Variants in GNAT3 observed in about 807,000 individuals in gnomAD.
GNAT3 encodes the protein G protein subunit alpha transducin 3.
In GNAT3, 31 loss-of-function variants were observed where a neutral mutation model predicts 37.7. The ratio of observed to expected loss-of-function variants is 0.82; its 90% CI spans 0.62 to 1.11. The LOEUF is 1.11. Ranked by LOEUF, GNAT3 falls within the 50% of genes most tolerant of loss-of-function variation. GNAT3 has a pLI of 0.00. For synonymous variants in GNAT3, 138 were observed against 139.8 expected, an observed-to-expected ratio of 0.99 and a Z score of 0.09; for missense variants, 437 against 412.5, an observed-to-expected ratio of 1.06 and a Z score of -0.51.
In GNAT3 at chr7:80,462,637, A is replaced by C. The variant is rs1584165830; in HGVS notation, c.591-6T>G. ...GTCCACCTACATCAAACATCCTTTA[A>C]GAAAACATCAAATGAATAATAAATC... On this transcript the variant is annotated splice_polypyrimidine_tract_variant and splice_region_variant and intron_variant, in intron 5 of 7. Coordinates refer to ENST00000398291, the MANE Select transcript of GNAT3 (RefSeq NM_001102386.3). 5.0e-6 allele frequency: 8 copies of C among 1,606,160 alleles called. No homozygotes were observed. In the African/African-American group the frequency reaches 5.3e-5, roughly 11 times the overall value.
chr7:80,488,328 G>A (rs922685643), intron 3 of GNAT3, among the ~76,000 whole-genome samples: 2 of 152,086 alleles, frequency 1.3e-5, no homozygotes, highest in African/African-American at 4.8e-5. Flanking sequence ...AACAACTAAT[G>A]TTGAATAATA....
rs758073733 is a variant in GNAT3, at chr7:80,462,648, A to G, written c.591-17T>C. On this transcript the variant is annotated splice_polypyrimidine_tract_variant and intron_variant, in intron 5 of 7. Coordinates refer to ENST00000398291, the MANE Select transcript of GNAT3 (RefSeq NM_001102386.3). ...TCAAACATCCTTTAAGAAAACATCA[A>G]ATGAATAATAAATCTTGCAAATATC... 2.5e-6 allele frequency: 4 copies of G among 1,601,880 alleles called. No individual in the cohort carries two copies. Among genetic ancestry groups the G allele is most frequent in the Admixed American group, 1.7e-5 (1 of 58,726 alleles).
At chr7:80,482,512 T>C (rs1379509771) in intron 3 of GNAT3, among the ~76,000 whole-genome samples, 4 of 151,836 alleles carry the variant, frequency 2.6e-5, no homozygotes, top group Admixed American at 2.6e-4. Flanking sequence ...TTTTTTTGTT[T>C]GTTTGTTTGT....
intron 1 of GNAT3, among the ~76,000 whole-genome samples, chr7:80,495,145 A>G (rs1790692248): frequency 6.6e-6 from 1 of 152,130 alleles, no homozygotes. Flanking sequence ...ATTGATGGAC[A>G]CTTAGGTTGA....
chr7:80,472,767 C>T (rs1041209864), intron 5 of GNAT3, among the ~76,000 whole-genome samples: 2 of 152,122 alleles, frequency 1.3e-5, no homozygotes, highest in African/African-American at 4.8e-5. Context: ...AGTTATAACT[C>T]TCTACTAGGA....
chr7:80,509,913 T>C (rs766971080), intron 1 of GNAT3, among the ~76,000 whole-genome samples: 17 of 152,172 alleles, frequency 1.1e-4, no homozygotes, highest in Non-Finnish European at 2.1e-4. Flanking sequence ...AAAAATACAG[T>C]GTAGAATGGT....
intron 1 of GNAT3, among the ~76,000 whole-genome samples, chr7:80,495,042 A>C (rs1309246274): frequency 6.6e-6 from 1 of 151,880 alleles, no homozygotes; most frequent in African/African-American, 2.4e-5. Flanking sequence ...AGTTCCATCC[A>C]TTTGCTGGCA....
intron 3 of GNAT3, among the ~76,000 whole-genome samples, chr7:80,482,200 A>C (rs1370302902): frequency 6.6e-6 from 1 of 152,140 alleles, no homozygotes; most frequent in Non-Finnish European, 1.5e-5. Flanking sequence ...TTCCTGCATC[A>C]ACACAGGATA....
chr7:80,473,147 T>C (rs1477607978), intron 5 of GNAT3, among the ~76,000 whole-genome samples: 1 of 152,184 alleles, frequency 6.6e-6, no homozygotes, highest in East Asian at 1.9e-4. Context: ...GACAAACTTT[T>C]CCTACATTTG....
intron 4 of GNAT3, among the ~76,000 whole-genome samples, chr7:80,476,638 T>C (rs1022781248): frequency 6.6e-6 from 1 of 151,818 alleles, no homozygotes; most frequent in Non-Finnish European, 1.5e-5. Flanking sequence ...ACAAGAAGTA[T>C]CTTACTTTTA....
chr7:80,472,404 G>A (rs1254469574), intron 5 of GNAT3, among the ~76,000 whole-genome samples: 1 of 152,126 alleles, frequency 6.6e-6, no homozygotes. Context: ...ACAGGGATAA[G>A]CATGGATGGT....
At chr7:80,479,353 G>A (rs1790353520) in intron 3 of GNAT3, among the ~76,000 whole-genome samples, 1 of 151,956 alleles carries the variant, frequency 6.6e-6, no homozygotes, top group East Asian at 1.9e-4. Context: ...TAAAAATTAA[G>A]CTGATTTAAT....
chr7:80,469,616 A>G (rs1790176797), intron 5 of GNAT3, among the ~76,000 whole-genome samples: 1 of 152,186 alleles, frequency 6.6e-6, no homozygotes, highest in South Asian at 2.1e-4. Flanking sequence ...TGGTGTTCCT[A>G]TGTAAAATTT....
intron 3 of GNAT3, among the ~76,000 whole-genome samples, chr7:80,482,676 G>A (rs1431881657): frequency 3.6e-5 from 5 of 140,320 alleles, no homozygotes; most frequent in African/African-American, 1.1e-4. Flanking sequence ...ACCACACCCA[G>A]CTAATTTTTG....
At chr7:80,507,917 C>T (rs1790980911) in intron 1 of GNAT3, among the ~76,000 whole-genome samples, 1 of 152,038 alleles carries the variant, frequency 6.6e-6, no homozygotes, top group East Asian at 1.9e-4. Context: ...AGTTTTTGAT[C>T]TCTAGACTCC....
rs1789996253 is a variant in GNAT3, at chr7:80,458,730, A to G, written c.1006T>C (p.Phe336Leu). 1 of 1,599,458 alleles carries G rather than the reference A, an allele frequency of 6.3e-7. No homozygotes were observed. Among genetic ancestry groups the G allele is most frequent in the Admixed American group, 1.7e-5 (1 of 57,960 alleles). ...ATTATTATATCTGTAACTGCGTCAA[A>G]CACAAACTTGACATTTTGGGTGTCA... ...ATDTQNVKFV[F>L]DAVTDIIIKE... Residue 336 changes from phenylalanine (F) to leucine (L), a missense_variant, in exon 8 of 8, where the codon TTT (phenylalanine) becomes CTT (leucine). Physicochemically the swap from Phe to Leu is conservative, Grantham distance 22. Transcript: ENST00000398291.
chr7:80,497,621 C>CGTATATGCATATAT (rs1790752293), intron 1 of GNAT3, among the ~76,000 whole-genome samples: 2 of 114,686 alleles, frequency 1.7e-5, no homozygotes, highest in Non-Finnish European at 3.4e-5. Context: ...TATACATATA[C>CGTATATGCATATAT]GTATATACAT....
intron 4 of GNAT3, among the ~76,000 whole-genome samples, chr7:80,475,688 A>G (rs1790291159): frequency 1.3e-5 from 2 of 152,154 alleles, no homozygotes; most frequent in Admixed American, 1.3e-4. Context: ...ACAAAGATTG[A>G]AAAAACAAAA....
intron 1 of GNAT3, among the ~76,000 whole-genome samples, chr7:80,502,540 G>A (rs553550579): frequency 1.3e-5 from 2 of 151,848 alleles, no homozygotes; most frequent in African/African-American, 4.8e-5. Context: ...TTTTAAAAAG[G>A]CCTTGGTTAA....
Sources: gnomAD v4.1 joint callset for allele counts (sites outside exome capture counted in the v4.1 genomes callset) on GRCh38, gnomAD v4.1.1 for gene constraint, MANE v1.5 for transcripts, NCBI Gene and HGNC (gene_info 2026-07-23, HGNC 2026-07-21) for gene names.